The following DIAPH3 variants were observed in gnomAD, a reference collection of about 807,000 sequenced individuals.
DIAPH3 encodes the protein diaphanous related formin 3.
A neutral mutation model predicts 144.3 loss-of-function variants in DIAPH3; 117 were observed. The observed-to-expected ratio is 0.81, with a 90% CI of 0.70 to 0.95. The LOEUF (loss-of-function observed/expected upper bound fraction) is 0.95. Among genes scored for constraint, DIAPH3 ranks in the 40% least tolerant of loss-of-function variants. DIAPH3 has a pLI of 0.00. For missense variants in DIAPH3, 1,421 were observed against 1,412.7 expected, an observed-to-expected ratio of 1.01 and a Z score of -0.09; for synonymous variants, 519 against 488.9, an observed-to-expected ratio of 1.06 and a Z score of -0.81.
intron 17 of DIAPH3, among the ~76,000 whole-genome samples, chr13:59,955,501 T>C (rs1215177088): frequency 6.6e-6 from 1 of 152,144 alleles, no homozygotes; most frequent in Non-Finnish European, 1.5e-5. Context: ...TCTTTATGAA[T>C]TACCCAGTCT....
At chr13:59,861,587 TTC>T (rs1234445005) in intron 21 of DIAPH3, 51 bp from the exon 22 acceptor site, 1 of 1,540,014 alleles carries the variant, frequency 6.5e-7, no homozygotes, top group Admixed American at 1.7e-5. Flanking sequence ...TATGTTGATA[TTC>T]TGTCTACTTA....
intron 27 of DIAPH3, among the ~76,000 whole-genome samples, chr13:59,689,304 T>C (rs2033384243): frequency 6.6e-6 from 1 of 151,814 alleles, no homozygotes; most frequent in Admixed American, 6.6e-5. Flanking sequence ...GGCCTCCTGC[T>C]GTCCACACCC....
intron 2 of DIAPH3, among the ~76,000 whole-genome samples, chr13:60,119,841 G>T (rs1427366565): frequency 6.7e-6 from 1 of 150,240 alleles, no homozygotes. Flanking sequence ...AACAGATAAC[G>T]ATTATAGTCA....
intron 22 of DIAPH3, among the ~76,000 whole-genome samples, chr13:59,848,468 C>A (rs1260330215): frequency 1.3e-5 from 2 of 149,558 alleles, no homozygotes; most frequent in African/African-American, 2.5e-5. Context: ...CCTCCCCGCT[C>A]CCCCCACCCC....
intron 21 of DIAPH3, among the ~76,000 whole-genome samples, chr13:59,876,628 A>G (rs1425973437): frequency 2.6e-5 from 4 of 152,190 alleles, no homozygotes; most frequent in Non-Finnish European, 5.9e-5. Context: ...CTTACTATAT[A>G]CCAACCACTG....
chr13:59,790,924 A>C (rs1349136316), intron 25 of DIAPH3, among the ~76,000 whole-genome samples: 1 of 152,206 alleles, frequency 6.6e-6, no homozygotes, highest in African/African-American at 2.4e-5. Context: ...CCCCACAGTA[A>C]AAGCTGATAT....
At position 59,666,554 on chromosome 13, in the gene DIAPH3, T is replaced by C. The variant is rs1418832816; in HGVS notation, c.*30A>G. The C allele has an allele frequency of 6.2e-7, 1 of 1,613,356 alleles. No individual in the cohort carries two copies. Among genetic ancestry groups the C allele is most frequent in the Non-Finnish European group, 8.5e-7 (1 of 1,179,684 alleles). On this transcript the variant is annotated 3_prime_UTR_variant, in exon 28 of 28. Transcript: ENST00000400324. ...TTTAGAGCATGGCTTTATATTTGGC[T>C]TAATCATTTTTTTTAAAAACCAGTT...
intron 20 of DIAPH3, among the ~76,000 whole-genome samples, chr13:59,879,889 T>C (rs574719918): frequency 6.6e-6 from 1 of 152,294 alleles, no homozygotes; most frequent in Admixed American, 6.5e-5. Context: ...AGAGGGTTTG[T>C]TTTCTTCAAA....
chr13:59,713,590 C>G (rs1443586688), intron 27 of DIAPH3, among the ~76,000 whole-genome samples: 1 of 151,888 alleles, frequency 6.6e-6, no homozygotes, highest in African/African-American at 2.4e-5. Context: ...AATTTGGCAG[C>G]AGTGTGGGGG....
intron 15 of DIAPH3, 24 bp downstream of exon 15, chr13:59,974,328 A>T: frequency 6.3e-7 from 1 of 1,583,314 alleles, no homozygotes; most frequent in Non-Finnish European, 8.7e-7. Context: ...TTAATACCCA[A>T]ATTCACTCAG....
At chr13:59,891,932 C>G (rs181167278) in intron 20 of DIAPH3, among the ~76,000 whole-genome samples, 18 of 152,032 alleles carry the variant, frequency 1.2e-4, no homozygotes, top group Middle Eastern at 3.4e-3. Context: ...TTTACTCATT[C>G]ATTGTGTATC....
intron 9 of DIAPH3, among the ~76,000 whole-genome samples, chr13:59,995,875 T>A (rs1376383225): frequency 6.6e-6 from 1 of 151,940 alleles, no homozygotes; most frequent in Non-Finnish European, 1.5e-5. Flanking sequence ...TCAGATGGAA[T>A]CACGACAGTA....
intron 13 of DIAPH3, 103 bp from the exon 14 acceptor site, chr13:59,980,962 T>C (rs1182284204): frequency 1.3e-5 from 12 of 889,312 alleles, no homozygotes; most frequent in Non-Finnish European, 2.1e-5. Flanking sequence ...AATTAAATAC[T>C]GATACTACCA....
intron 27 of DIAPH3, among the ~76,000 whole-genome samples, chr13:59,709,319 G>C (rs1336056913): frequency 6.6e-6 from 1 of 152,002 alleles, no homozygotes; most frequent in East Asian, 1.9e-4. Flanking sequence ...CCTACAAAAT[G>C]GGAGAAAATT....
intron 9 of DIAPH3, among the ~76,000 whole-genome samples, chr13:59,994,384 G>T (rs1362920825): frequency 6.6e-6 from 1 of 151,884 alleles, no homozygotes; most frequent in Non-Finnish European, 1.5e-5. Context: ...CATACCTGCG[G>T]TATCACACAA....
intron 17 of DIAPH3, among the ~76,000 whole-genome samples, chr13:59,927,411 T>A (rs1594018681): frequency 6.6e-6 from 1 of 152,186 alleles, no homozygotes; most frequent in South Asian, 2.1e-4. Flanking sequence ...TTCCTCTCTG[T>A]TTATCTTTGT....
intron 27 of DIAPH3, among the ~76,000 whole-genome samples, chr13:59,771,569 C>A (rs2038123589): frequency 6.7e-6 from 1 of 149,340 alleles, no homozygotes; most frequent in Admixed American, 6.9e-5. Flanking sequence ...ATGTTACAAG[C>A]TAAAAAAATG....
At chr13:59,894,866 C>T (rs913796717) in intron 20 of DIAPH3, among the ~76,000 whole-genome samples, 22 of 151,862 alleles carry the variant, frequency 1.4e-4, no homozygotes, top group African/African-American at 5.1e-4. Context: ...AGGAGAGCTA[C>T]TTAAAAAGGA....
chr13:59,885,824 C>G (rs542847795), intron 20 of DIAPH3, among the ~76,000 whole-genome samples: 1 of 152,126 alleles, frequency 6.6e-6, no homozygotes, highest in East Asian at 1.9e-4. Flanking sequence ...ATTAATGAAG[C>G]TAGCAGAGTG....
Sources: gnomAD v4.1 joint callset for allele counts (sites outside exome capture counted in the v4.1 genomes callset) on GRCh38, gnomAD v4.1.1 for gene constraint, MANE v1.5 for transcripts, NCBI Gene and HGNC (gene_info 2026-07-23, HGNC 2026-07-21) for gene names.